The following CLPTM1L variants were observed in gnomAD, a reference collection of about 807,000 sequenced individuals.
The protein encoded by CLPTM1L is CLPTM1 like.
Under a neutral mutation model 70.9 loss-of-function variants are expected in CLPTM1L, and 38 were observed. The ratio of observed to expected loss-of-function variants is 0.54; its 90% CI spans 0.41 to 0.70. CLPTM1L has a LOEUF of 0.70. CLPTM1L is among the 30% of genes least tolerant of loss of function. CLPTM1L has a pLI of 0.00. For missense variants in CLPTM1L, 652 were observed against 705.9 expected (o/e 0.92, Z 0.87); for synonymous variants, 339 against 299.9 (o/e 1.13, Z -1.35).
intron 10 of CLPTM1L, chr5:1,325,014 G>T (rs548401550): frequency 5.0e-6 from 3 of 605,050 alleles, no homozygotes; most frequent in East Asian, 2.8e-5. Flanking sequence ...CCTGGCCCTG[G>T]GTCCCACAAG....
chr5:1,331,994 C>G (rs1753124728), intron 7 of CLPTM1L, 111 bp from the exon 8 acceptor site: 5 of 809,964 alleles, frequency 6.2e-6, no homozygotes, highest in Non-Finnish European at 1.0e-5. Context: ...TACTCAGCCT[C>G]AGGATGCATC....
rs750731860 is a variant in CLPTM1L, at chr5:1,344,664, C to G, written c.162+16G>C. The G allele has an allele frequency of 5.8e-6, 9 of 1,546,734 alleles. No homozygotes were observed. The South Asian group carries it at 1.1e-4, about 18-fold the overall frequency. On this transcript the variant is annotated intron_variant, in intron 1 of 16. Transcript: ENST00000320895. ...CCACCCCAACCCGCCCGGCCCCCGG[C>G]CCCGCGGACGCTCACCTGCAGCTTG...
In CLPTM1L at chr5:1,344,884, C is replaced by T. The variant is rs763671305; in HGVS notation, c.-43G>A. ...CGCCCCCGGCCCGCCCGCCTCTCAG[C>T]CGCGAGCCCCGCCCGCCCGGCGCCC... On this transcript the variant is annotated 5_prime_UTR_variant, in exon 1 of 17. Coordinates refer to ENST00000320895, the MANE Select transcript of CLPTM1L (RefSeq NM_030782.5). 1 of 1,082,384 alleles carries T rather than the reference C, an allele frequency of 9.2e-7. No homozygotes were observed. Among genetic ancestry groups the T allele is most frequent in the South Asian group, 4.0e-5 (1 of 24,736 alleles). The allele number at this position is 1,082,384 out of a possible 1,614,324, so 67.0% of individuals were successfully genotyped here. A position where few individuals can be genotyped will look rare whatever the true frequency, so the allele number is the denominator to read the frequency against.
At chr5:1,324,385 G>A (rs546171771) in intron 11 of CLPTM1L, among the ~76,000 whole-genome samples, 1 of 152,372 alleles carries the variant, frequency 6.6e-6, no homozygotes, top group East Asian at 1.9e-4. Context: ...TGCTGCTGGG[G>A]CCATTCCTCC....
intron 6 of CLPTM1L, 70 bp from the exon 7 acceptor site, chr5:1,334,453 T>C (rs1289186171): frequency 8.7e-7 from 1 of 1,152,104 alleles, no homozygotes; most frequent in Admixed American, 1.9e-5. Flanking sequence ...ACAAATACAG[T>C]TTTCAATATA....
chr5:1,344,971 C>CG lies in CLPTM1L; in HGVS notation c.-131dup, dbSNP rs974183859. ...CCGCCGCGCGCCACCGCCACCGCCG[C>CG]GGGGGAACGAATGCGCCGCGCGCCG... On this transcript the variant is annotated 5_prime_UTR_variant, in exon 1 of 17. It removes the in-frame stop codon of an upstream open reading frame in the 5' UTR. Coordinates refer to ENST00000320895, the MANE Select transcript of CLPTM1L (RefSeq NM_030782.5). 17 of 414,952 alleles carry CG rather than the reference C, an allele frequency of 4.1e-5. No homozygotes were observed. The highest frequency in any genetic ancestry group is 3.5e-4 in the African/African-American group (16 of 46,214). The allele number at this position is 414,952 out of a possible 1,614,324, so 25.7% of individuals were successfully genotyped here.
chr5:1,340,111 G>A (rs1753848415), intron 3 of CLPTM1L, among the ~76,000 whole-genome samples: 2 of 152,240 alleles, frequency 1.3e-5, no homozygotes, highest in Admixed American at 6.5e-5. Flanking sequence ...GAAGCCAGGG[G>A]GTGCTGCTTT....
At chr5:1,323,385 C>T (rs1325197575) in intron 12 of CLPTM1L, among the ~76,000 whole-genome samples, 1 of 132,094 alleles carries the variant, frequency 7.6e-6, no homozygotes, top group Non-Finnish European at 1.8e-5. Flanking sequence ...GCCAGCACCC[C>T]ACCCGGGCAG....
At chr5:1,334,786 A>C (rs934234045) in intron 6 of CLPTM1L, among the ~76,000 whole-genome samples, 1 of 140,694 alleles carries the variant, frequency 7.1e-6, no homozygotes, top group East Asian at 2.0e-4. Context: ...AACAAACAAT[A>C]AAAATAAATC....
Position 1,344,888 on chromosome 5 carries a change from G to C in CLPTM1L, c.-47C>G. ...CCCGGCCCGCCCGCCTCTCAGCCGCGAGCCCCGCCCGCCCGGCGCCCAGCC... is the reference window on the plus strand; with the variant it reads ...CCCGGCCCGCCCGCCTCTCAGCCGCCAGCCCCGCCCGCCCGGCGCCCAGCC... On this transcript the variant is annotated 5_prime_UTR_variant, in exon 1 of 17. Coordinates refer to ENST00000320895, the MANE Select transcript of CLPTM1L (RefSeq NM_030782.5). 6.6e-6 allele frequency: 7 copies of C among 1,062,220 alleles called. No individual in the cohort carries two copies. The highest frequency in any genetic ancestry group is 8.0e-6 in the Non-Finnish European group (7 of 875,168). The allele number at this position is 1,062,220 out of a possible 1,614,324, so 65.8% of individuals were successfully genotyped here.
At chr5:1,336,708 T>A (rs1351227689) in intron 5 of CLPTM1L, among the ~76,000 whole-genome samples, 2 of 152,170 alleles carry the variant, frequency 1.3e-5, no homozygotes, top group Non-Finnish European at 2.9e-5. Flanking sequence ...TACTCAGGGA[T>A]AGGCTGCAGC....
At chr5:1,339,698 G>A (rs1443294687) in intron 3 of CLPTM1L, among the ~76,000 whole-genome samples, 1 of 77,666 alleles carries the variant, frequency 1.3e-5, no homozygotes, top group East Asian at 2.8e-4. Context: ...AACTGTGCCC[G>A]GGACAGCAGA....
chr5:1,320,056 C>G (rs899348394), intron 16 of CLPTM1L, among the ~76,000 whole-genome samples: 6 of 152,242 alleles, frequency 3.9e-5, no homozygotes, highest in African/African-American at 1.4e-4. Context: ...GCCTGAACCT[C>G]TGCCTTTAGA....
chr5:1,341,210 A>C (rs534014167), intron 3 of CLPTM1L, among the ~76,000 whole-genome samples: 1 of 152,376 alleles, frequency 6.6e-6, no homozygotes, highest in African/African-American at 2.4e-5. Flanking sequence ...TGTACAAACT[A>C]CAACTTGTAC....
chr5:1,327,798 T>G lies in CLPTM1L; in HGVS notation c.1081-1982A>C, dbSNP rs377655817. On this transcript the variant is annotated intron_variant, in intron 9 of 16. Coordinates refer to ENST00000320895, the MANE Select transcript of CLPTM1L (RefSeq NM_030782.5). ...GGGACATTCCACCCAGCTCCTCCTC[T>G]ACAGACACATTCCATCCAGCTCCTC... Among the ~76,000 whole-genome samples the G allele has an allele frequency of 1.1e-4, 17 of 149,164 alleles. No homozygotes were observed. The South Asian group carries it at 2.4e-3, about 21-fold the overall frequency.
chr5:1,334,442 T>G (rs1753422890), intron 6 of CLPTM1L, 59 bp from the exon 7 acceptor site: 1 of 1,206,956 alleles, frequency 8.3e-7, no homozygotes, highest in Non-Finnish European at 1.2e-6. Context: ...TACCTAACAT[T>G]ACAAATACAG....
chr5:1,335,259 C>G, intron 5 of CLPTM1L, 85 bp from the exon 6 acceptor site: 2 of 1,057,544 alleles, frequency 1.9e-6, no homozygotes, highest in East Asian at 4.8e-5. Context: ...CTGCCATCCC[C>G]CTTCCCATCC....
rs538866891 is a variant in CLPTM1L at position 1,318,952 on chromosome 5, G to A, written c.1533-499C>T. Reference sequence around the variant, plus strand: ...TGTGGCATAAGGGGCAGCTCTACACGGCCGCGAACAGAAGTACAGGGTTTC... The same window carrying A: ...TGTGGCATAAGGGGCAGCTCTACACAGCCGCGAACAGAAGTACAGGGTTTC... On this transcript the variant is annotated intron_variant, in intron 16 of 16. Transcript: ENST00000320895. This position sits in a 1 kb window ranked among gnomAD's most constrained non-coding sequence, Gnocchi z 8.9. Among the ~76,000 whole-genome samples, 5 of 152,342 alleles carry A rather than the reference G, an allele frequency of 3.3e-5. No homozygotes were observed. The South Asian group carries it at 8.3e-4, about 25-fold the overall frequency.
chr5:1,340,432 G>A (rs957115350), intron 3 of CLPTM1L, among the ~76,000 whole-genome samples: 2 of 152,160 alleles, frequency 1.3e-5, no homozygotes, highest in Non-Finnish European at 2.9e-5. Flanking sequence ...AAGCACTATC[G>A]CCTCACCCAT....
Sources: allele counts gnomAD v4.1 joint callset (sites outside exome capture counted in the v4.1 genomes callset), GRCh38; gene constraint gnomAD v4.1.1; non-coding constraint Gnocchi (gnomAD v3.1); transcripts MANE v1.5; gene names NCBI Gene and HGNC (gene_info 2026-07-23, HGNC 2026-07-21).